SRRM4: variants seen among roughly 807,000 people sequenced by gnomAD.
The protein encoded by SRRM4 is serine/arginine repetitive matrix 4.
SRRM4 carries 33 observed loss-of-function variants against 68.9 expected under a neutral mutation model. The ratio of observed to expected loss-of-function variants is 0.48; its 90% confidence interval spans 0.36 to 0.64. The LOEUF (loss-of-function observed/expected upper bound fraction) is 0.64. SRRM4 is among the 30% of genes least tolerant of loss of function. The pLI, the probability that SRRM4 is intolerant of heterozygous loss-of-function variation, is 0.00. For synonymous variants in SRRM4, 318 were observed against 318.8 expected (o/e 1.00, Z 0.03); for missense variants, 817 against 827.1 (o/e 0.99, Z 0.15).
At chr12:119,070,949 A>G (rs1191732355) in intron 1 of SRRM4, among the ~76,000 whole-genome samples, 1 of 152,170 alleles carries the variant, frequency 6.6e-6, no homozygotes, top group Admixed American at 6.5e-5. Context: ...GAGATTAAAC[A>G]CAGCGGGGAG....
chr12:118,994,847 T>C (rs139036474), intron 1 of SRRM4, among the ~76,000 whole-genome samples: 2 of 152,180 alleles, frequency 1.3e-5, no homozygotes, highest in East Asian at 3.9e-4. Context: ...CAAAAGCGAG[T>C]CAGTTTGATG....
At position 119,114,348 on chromosome 12, in the gene SRRM4, C is replaced by T. The variant is rs765750545; in HGVS notation, c.349C>T (p.Arg117Trp). The change falls in exon 3 of 13, where the codon CGG (arginine) becomes TGG (tryptophan). Residue 117 changes from arginine to tryptophan, a missense_variant. Transcript: ENST00000267260. ...AAAGAAGAAAAAGAAGAAATCCACT[C>T]GGAAGAAGAGAAGGAGGTAAGAGCA... ...RGKKKKKKST[R>W]KKRRRSSSYS... 29 of 1,607,754 alleles carry T rather than the reference C, an allele frequency of 1.8e-5. No homozygotes were observed. The highest frequency in any genetic ancestry group is 6.7e-5 in the South Asian group (6 of 89,448).
intron 1 of SRRM4, among the ~76,000 whole-genome samples, chr12:119,055,835 G>A (rs1953772625): frequency 6.6e-6 from 1 of 152,236 alleles, no homozygotes. Flanking sequence ...TCATAAAGTT[G>A]TTGGGAGGAT....
chr12:119,154,233 G>A lies in SRRM4; in HGVS notation c.1392-10G>A, dbSNP rs1274651231. 1 of 1,593,888 alleles carries A rather than the reference G, an allele frequency of 6.3e-7. No individual in the cohort carries two copies. On this transcript the variant is annotated splice_polypyrimidine_tract_variant and intron_variant, in intron 11 of 12. Transcript: ENST00000267260. This position sits in a 1 kb window ranked among gnomAD's most constrained non-coding sequence, Gnocchi z 4.7. The stretch of plus-strand genomic sequence containing the variant: ...CCCCAGCTCCCCAGTAACCCCCCGC[G>A]CCCCTTCAGGGAGCGGGATCCCAAA...
intron 1 of SRRM4, among the ~76,000 whole-genome samples, chr12:119,086,327 C>A (rs1953979599): frequency 6.6e-6 from 1 of 152,178 alleles, no homozygotes; most frequent in African/African-American, 2.4e-5. Flanking sequence ...TGAGAGATGT[C>A]TGATCCATCT....
At chr12:119,012,223 G>T (rs1027503314) in intron 1 of SRRM4, among the ~76,000 whole-genome samples, 1 of 152,146 alleles carries the variant, frequency 6.6e-6, no homozygotes, top group Non-Finnish European at 1.5e-5. Flanking sequence ...CGTGCAGCAA[G>T]GGTTTATAAT....
chr12:119,031,087 G>A (rs914769465), intron 1 of SRRM4: 5 of 152,198 alleles, frequency 3.3e-5, no homozygotes, highest in Non-Finnish European at 5.9e-5. Context: ...CCATGGATCA[G>A]GTTAAGCTGG....
chr12:119,090,824 ACAATG>A (rs1464950984), intron 1 of SRRM4, among the ~76,000 whole-genome samples: 2 of 152,184 alleles, frequency 1.3e-5, no homozygotes, highest in Non-Finnish European at 2.9e-5. Context: ...TGATCTGGCA[ACAATG>A]CAACTGACCA....
At chr12:119,078,755 A>G (rs1383426261) in intron 1 of SRRM4, among the ~76,000 whole-genome samples, 2 of 152,106 alleles carry the variant, frequency 1.3e-5, no homozygotes, top group East Asian at 3.9e-4. Context: ...CCCCGTCTCT[A>G]CAAAAAAAAA....
At position 119,156,621 on chromosome 12, in the gene SRRM4, G is replaced by A. The variant is rs764242315; in HGVS notation, c.1659G>A (p.Arg553=). The part of the protein sequence containing the change: ...RSASRSYSRS[R]SRSRSRRRSR... ...CCAGCCGCAGCTACTCCCGGAGCCG[G>A]AGTCGGAGCCGGAGCCGGAGACGGA... Residue 553 remains arginine (R), a synonymous_variant, in exon 13 of 13, where the codon CGG becomes CGA. Transcript: ENST00000267260. The A allele has an allele frequency of 1.9e-6, 3 of 1,607,598 alleles. No individual in the cohort carries two copies. Among genetic ancestry groups the A allele is most frequent in the African/African-American group, 2.7e-5 (2 of 74,706 alleles).
chr12:119,033,050 T>C (rs913192114), intron 1 of SRRM4, among the ~76,000 whole-genome samples: 1 of 152,192 alleles, frequency 6.6e-6, no homozygotes, highest in Admixed American at 6.5e-5. Context: ...TTGACTTTTT[T>C]CAAGATCCAG....
At chr12:119,116,785 C>A in intron 3 of SRRM4, 152 bp from the exon 4 acceptor site, 1 of 569,716 alleles carries the variant, frequency 1.8e-6, no homozygotes, top group Non-Finnish European at 3.1e-6. Flanking sequence ...AAATTGCTTA[C>A]AAATGCAAGC....
At chr12:118,986,008 G>A (rs865949369) in intron 1 of SRRM4, among the ~76,000 whole-genome samples, 13 of 151,960 alleles carry the variant, frequency 8.6e-5, no homozygotes, top group African/African-American at 2.9e-4. Context: ...TCCTTTCTAC[G>A]CAGAATAGAC....
intron 1 of SRRM4, among the ~76,000 whole-genome samples, chr12:119,026,522 T>G (rs1953549208): frequency 1.3e-5 from 2 of 152,008 alleles, no homozygotes; most frequent in South Asian, 4.1e-4. Context: ...TTTTCTAAAT[T>G]AATTAATGTT....
chr12:118,990,814 GT>G (rs142635868), intron 1 of SRRM4, among the ~76,000 whole-genome samples: 1 of 151,926 alleles, frequency 6.6e-6, no homozygotes, highest in Non-Finnish European at 1.5e-5. Flanking sequence ...TCTTGTTTGT[GT>G]TTTTTTGGTT....
intron 1 of SRRM4, among the ~76,000 whole-genome samples, chr12:119,091,729 T>C (rs1954015508): frequency 6.6e-6 from 1 of 152,200 alleles, no homozygotes; most frequent in African/African-American, 2.4e-5. Context: ...CCGATGGGTC[T>C]ACTCACTATG....
chr12:118,994,840 A>G (rs1953338998), intron 1 of SRRM4, among the ~76,000 whole-genome samples: 1 of 152,192 alleles, frequency 6.6e-6, no homozygotes, highest in South Asian at 2.1e-4. Context: ...TTATGTTCAA[A>G]AGCGAGTCAG....
At chr12:119,144,323 T>A (rs1954386976) in intron 8 of SRRM4, among the ~76,000 whole-genome samples, 1 of 152,154 alleles carries the variant, frequency 6.6e-6, no homozygotes, top group South Asian at 2.1e-4. Flanking sequence ...AAGGGATTGA[T>A]TAGGTTGGCT....
At chr12:118,999,297 G>A (rs75380315) in intron 1 of SRRM4, among the ~76,000 whole-genome samples, 106 of 152,222 alleles carry the variant, frequency 7.0e-4, no homozygotes, top group African/African-American at 2.4e-3. Flanking sequence ...TGCAGGAGCC[G>A]GATCTGCTGC....
Sources: gnomAD v4.1 joint callset for allele counts (sites outside exome capture counted in the v4.1 genomes callset) on GRCh38, gnomAD v4.1.1 for gene constraint, Gnocchi (gnomAD v3.1) non-coding constraint, MANE v1.5 for transcripts, NCBI Gene and HGNC (gene_info 2026-07-23, HGNC 2026-07-21) for gene names.